Variants in KCNIP4 observed in about 807,000 individuals in gnomAD.
KCNIP4 encodes Kv channel-interacting protein 4.
Under a neutral mutation model 34.0 loss-of-function variants are expected in KCNIP4, and 12 were observed. That is an observed-to-expected ratio of 0.35 (90% CI 0.23 to 0.57). KCNIP4 has a LOEUF of 0.57. Among genes scored for constraint, KCNIP4 ranks in the 20% least tolerant of loss-of-function variants. The probability of loss-of-function intolerance (pLI) is 0.83; values close to 1 mark genes in which losing one functional copy is unlikely to be tolerated. For synonymous variants in KCNIP4, 124 were observed against 102.2 expected (o/e 1.21, Z -1.29); for missense variants, 238 against 311.7 (o/e 0.76, Z 1.78).
At chr4:21,660,453 T>C (rs1278442645) in intron 1 of KCNIP4, among the ~76,000 whole-genome samples, 1 of 152,146 alleles carries the variant, frequency 6.6e-6, no homozygotes, top group Non-Finnish European at 1.5e-5. Context: ...TATAACATAT[T>C]TTTACTTTCC....
At chr4:21,168,730 A>G (rs2109289512) in intron 1 of KCNIP4, among the ~76,000 whole-genome samples, 1 of 152,280 alleles carries the variant, frequency 6.6e-6, no homozygotes, top group South Asian at 2.1e-4. Context: ...TCAAGGCCAC[A>G]TTAGTCTGGA....
intron 1 of KCNIP4, among the ~76,000 whole-genome samples, chr4:21,473,715 C>CTT (rs572883935): frequency 5.1e-4 from 71 of 138,262 alleles, no homozygotes; most frequent in African/African-American, 1.3e-3. Context: ...ACTGAGAATT[C>CTT]TTTTTTTTTT....
chr4:20,745,035 C>T (rs1389892170), intron 5 of KCNIP4, among the ~76,000 whole-genome samples: 1 of 152,188 alleles, frequency 6.6e-6, no homozygotes, highest in Non-Finnish European at 1.5e-5. Flanking sequence ...ACTCCCCAGA[C>T]TCAGACTCTT....
chr4:21,027,309 A>G (rs6818751), intron 1 of KCNIP4, among the ~76,000 whole-genome samples: 60,598 of 151,894 alleles, frequency 0.4, 12,839 homozygotes, highest in African/African-American at 0.55. Context: ...AGCAGAGTAG[A>G]GTGGTTGGAA....
chr4:20,871,877 T>C (rs540725005), intron 2 of KCNIP4, among the ~76,000 whole-genome samples: 2 of 151,994 alleles, frequency 1.3e-5, no homozygotes, highest in South Asian at 4.2e-4. Flanking sequence ...AATCATAAAA[T>C]CTCCCACAAC....
intron 1 of KCNIP4, among the ~76,000 whole-genome samples, chr4:21,137,576 G>T (rs1751597389): frequency 6.6e-6 from 1 of 152,056 alleles, no homozygotes; most frequent in Non-Finnish European, 1.5e-5. Flanking sequence ...TGCCTTTAGA[G>T]TGATGTCTTA....
intron 3 of KCNIP4, among the ~76,000 whole-genome samples, chr4:20,799,091 G>A (rs1019823453): frequency 6.6e-6 from 1 of 152,102 alleles, no homozygotes; most frequent in African/African-American, 2.4e-5. Context: ...ACTCCATAGT[G>A]TGCCATACCT....
At chr4:21,571,599 C>A (rs1740372918) in intron 1 of KCNIP4, among the ~76,000 whole-genome samples, 1 of 152,112 alleles carries the variant, frequency 6.6e-6, no homozygotes, top group Non-Finnish European at 1.5e-5. Flanking sequence ...AAGCACATAT[C>A]CATCAGTTTC....
chr4:21,326,934 T>C (rs1020833079), intron 1 of KCNIP4, among the ~76,000 whole-genome samples: 1 of 151,992 alleles, frequency 6.6e-6, no homozygotes, highest in Admixed American at 6.6e-5. Flanking sequence ...ATAAAAGTTA[T>C]GCATTTTAAT....
intron 1 of KCNIP4, among the ~76,000 whole-genome samples, chr4:21,527,785 A>G (rs531384726): frequency 2.0e-4 from 31 of 152,298 alleles, no homozygotes; most frequent in African/African-American, 5.8e-4. Flanking sequence ...TAAATATTGT[A>G]TAATCAGACT....
chr4:21,080,083 T>C (rs1371051301), intron 1 of KCNIP4, among the ~76,000 whole-genome samples: 1 of 151,836 alleles, frequency 6.6e-6, no homozygotes, highest in Non-Finnish European at 1.5e-5. Context: ...AGGAAACAAA[T>C]ACATTCTGCA....
intron 1 of KCNIP4, among the ~76,000 whole-genome samples, chr4:21,028,175 C>T (rs80322654): frequency 4.6e-5 from 7 of 152,098 alleles, no homozygotes; most frequent in African/African-American, 1.2e-4. Context: ...CCCCTCCCCC[C>T]CAATTGTCAC....
chr4:21,924,754 A>G (rs888644399), intron 1 of KCNIP4, among the ~76,000 whole-genome samples: 4 of 152,128 alleles, frequency 2.6e-5, no homozygotes, highest in East Asian at 1.9e-4. Flanking sequence ...CACAGTGGAA[A>G]GAGTTATTCA....
intron 2 of KCNIP4, among the ~76,000 whole-genome samples, chr4:20,856,884 C>T (rs760824635): frequency 6.6e-6 from 1 of 152,110 alleles, no homozygotes; most frequent in Non-Finnish European, 1.5e-5. Context: ...AGAACCAAAA[C>T]AGCGGATTAA....
At chr4:20,953,807 A>G (rs186422043) in intron 1 of KCNIP4, among the ~76,000 whole-genome samples, 216 of 152,350 alleles carry the variant, frequency 1.4e-3, no homozygotes, top group African/African-American at 5.0e-3. Flanking sequence ...CCCAAACTCA[A>G]GAACTCTTCT....
At chr4:20,736,197 A>C (rs963912587) in intron 5 of KCNIP4, among the ~76,000 whole-genome samples, 22 of 152,210 alleles carry the variant, frequency 1.4e-4, no homozygotes, top group Non-Finnish European at 4.4e-5. Flanking sequence ...TGCATACACA[A>C]GTATAAGATA....
intron 1 of KCNIP4, among the ~76,000 whole-genome samples, chr4:21,667,423 T>G (rs1239781652): frequency 6.6e-6 from 1 of 152,172 alleles, no homozygotes; most frequent in Non-Finnish European, 1.5e-5. Flanking sequence ...CTAAGCTTAT[T>G]GGGCTCAAGG....
In KCNIP4 at chr4:21,838,704, T is replaced by G. The variant is rs184940257; in HGVS notation, c.61+109867A>C. On this transcript the variant is annotated intron_variant, in intron 1 of 8. Coordinates refer to ENST00000382152, the MANE Select transcript of KCNIP4 (RefSeq NM_025221.6). Reference sequence around the variant, plus strand: ...TTTCCCACCATTTCTCTTTCACCAGTGTAAAGAAGTATACATTTGTATCTA... The same window carrying G: ...TTTCCCACCATTTCTCTTTCACCAGGGTAAAGAAGTATACATTTGTATCTA... Among the ~76,000 whole-genome samples, 279 of 152,302 alleles carry G rather than the reference T, an allele frequency of 1.8e-3. 1 individual carries two copies. Among genetic ancestry groups the G allele is most frequent in the African/African-American group, 6.6e-3 (275 of 41,572 alleles).
intron 1 of KCNIP4, among the ~76,000 whole-genome samples, chr4:21,572,906 C>T (rs1019049531): frequency 4.6e-5 from 7 of 152,124 alleles, no homozygotes; most frequent in Admixed American, 2.0e-4. Context: ...GGATTATAGG[C>T]GTGAGCCATT....
Sources: allele counts gnomAD v4.1 joint callset (sites outside exome capture counted in the v4.1 genomes callset), GRCh38; gene constraint gnomAD v4.1.1; transcripts MANE v1.5; gene names NCBI Gene and HGNC (gene_info 2026-07-23, HGNC 2026-07-21).